The following ARHGAP26 variants were observed in gnomAD, a reference collection of about 807,000 sequenced individuals.
ARHGAP26 encodes the protein Rho GTPase activating protein 26.
A neutral mutation model predicts 104.8 loss-of-function variants in ARHGAP26; 38 were observed. The ratio of observed to expected loss-of-function variants is 0.36; its 90% CI spans 0.28 to 0.48. The LOEUF (loss-of-function observed/expected upper bound fraction) is 0.48. ARHGAP26 is among the 20% of genes least tolerant of loss of function. The pLI, the probability that ARHGAP26 is intolerant of heterozygous loss-of-function variation, is 0.99. For synonymous variants in ARHGAP26, 341 were observed against 340.0 expected, an observed-to-expected ratio of 1.00 and a Z score of -0.03; for missense variants, 704 against 947.9, an observed-to-expected ratio of 0.74 and a Z score of 3.38.
In ARHGAP26 at chr5:142,928,818, T is replaced by A. The variant is rs187670514; in HGVS notation, c.1029-3229T>A. Among the ~76,000 whole-genome samples, 7 of 152,368 alleles carry A rather than the reference T, an allele frequency of 4.6e-5. No homozygotes were observed. The East Asian group carries it at 1.3e-3, about 29-fold the overall frequency. Reference sequence around the variant, plus strand: ...ACTGCTGGGTTATAATTATTACTGTTCTTTTATTGTAGAGGGTCTAATAGG... The same window carrying A: ...ACTGCTGGGTTATAATTATTACTGTACTTTTATTGTAGAGGGTCTAATAGG... On this transcript the variant is annotated intron_variant, in intron 10 of 22. Coordinates refer to ENST00000645722, the MANE Select transcript of ARHGAP26 (RefSeq NM_001135608.3).
chr5:142,901,133 T>G (rs1760269601), intron 6 of ARHGAP26, among the ~76,000 whole-genome samples: 1 of 152,128 alleles, frequency 6.6e-6, no homozygotes, highest in Admixed American at 6.5e-5. Flanking sequence ...TTTGTTTAGT[T>G]TGGATAAATG....
intron 21 of ARHGAP26, among the ~76,000 whole-genome samples, chr5:143,212,234 C>T (rs1211329070): frequency 1.3e-5 from 2 of 152,112 alleles, no homozygotes; most frequent in African/African-American, 4.8e-5. Flanking sequence ...ACTGGATTCT[C>T]CTTTCACCTT....
chr5:142,829,400 T>C (rs1767951654), intron 1 of ARHGAP26, among the ~76,000 whole-genome samples: 2 of 152,240 alleles, frequency 1.3e-5, no homozygotes, highest in South Asian at 4.1e-4. Flanking sequence ...AGTGGCCTTT[T>C]CCCCCTTAGT....
chr5:142,940,622 G>A (rs1354862605), intron 11 of ARHGAP26, among the ~76,000 whole-genome samples: 1 of 152,098 alleles, frequency 6.6e-6, no homozygotes, highest in Admixed American at 6.5e-5. Context: ...CCCCCAAGGG[G>A]CATGATCTTA....
At chr5:143,034,705 ATAGTTAAAATGGG>A (rs1235413928) in intron 12 of ARHGAP26, among the ~76,000 whole-genome samples, 1 of 152,162 alleles carries the variant, frequency 6.6e-6, no homozygotes, top group African/African-American at 2.4e-5. Context: ...GCTGAATTGT[ATAGTTAAAATGGG>A]TAAACTTATG....
chr5:143,106,841 T>C (rs1409096736), intron 17 of ARHGAP26, among the ~76,000 whole-genome samples: 1 of 152,144 alleles, frequency 6.6e-6, no homozygotes, highest in Non-Finnish European at 1.5e-5. Flanking sequence ...CAACTTATTA[T>C]TGCCTAGGTG....
At chr5:142,854,139 A>T (rs559435706) in intron 1 of ARHGAP26, among the ~76,000 whole-genome samples, 3 of 152,364 alleles carry the variant, frequency 2.0e-5, no homozygotes, top group African/African-American at 7.2e-5. Flanking sequence ...GCACACTTTG[A>T]TAAACTCTGT....
intron 17 of ARHGAP26, among the ~76,000 whole-genome samples, chr5:143,102,671 C>T (rs1354599030): frequency 1.3e-5 from 2 of 152,216 alleles, no homozygotes; most frequent in Admixed American, 6.5e-5. Flanking sequence ...CATGAAATAC[C>T]AGAGGAGAAA....
intron 18 of ARHGAP26, among the ~76,000 whole-genome samples, chr5:143,130,386 G>A (rs1562479488): frequency 6.6e-6 from 1 of 152,296 alleles, no homozygotes; most frequent in East Asian, 1.9e-4. Context: ...TACTTTGTGA[G>A]TTTGGACAGT....
At chr5:143,171,111 G>A (rs1180404138) in intron 20 of ARHGAP26, among the ~76,000 whole-genome samples, 1 of 152,206 alleles carries the variant, frequency 6.6e-6, no homozygotes, top group Non-Finnish European at 1.5e-5. Flanking sequence ...ATTCCAAGGA[G>A]GAAAAAGAAT....
rs985248755 is a variant in ARHGAP26 at position 142,985,103 on chromosome 5, T to G, written c.1108-28977T>G. Among the ~76,000 whole-genome samples the G allele has an allele frequency of 5.9e-5, 9 of 152,242 alleles. No individual in the cohort carries two copies. The South Asian group carries it at 6.2e-4, about 11-fold the overall frequency. ...ATCCTGACCCTGTGTAGGCCTAGGC[T>G]AATGTTTGTGTTTGCGTCTTGGTTT... On this transcript the variant is annotated intron_variant, in intron 11 of 22. Coordinates refer to ENST00000645722, the MANE Select transcript of ARHGAP26 (RefSeq NM_001135608.3).
intron 11 of ARHGAP26, among the ~76,000 whole-genome samples, chr5:142,941,549 C>T (rs1401943407): frequency 6.6e-6 from 1 of 152,104 alleles, no homozygotes; most frequent in Non-Finnish European, 1.5e-5. Context: ...AATCAAGAAG[C>T]CAGTTGCAAG....
intron 11 of ARHGAP26, among the ~76,000 whole-genome samples, chr5:142,940,420 G>A (rs1487131105): frequency 1.3e-5 from 2 of 152,012 alleles, no homozygotes; most frequent in East Asian, 3.8e-4. Flanking sequence ...TTGTCACCCA[G>A]GTACTAAGCC....
At chr5:142,811,481 C>T (rs962345639) in intron 1 of ARHGAP26, among the ~76,000 whole-genome samples, 15 of 152,126 alleles carry the variant, frequency 9.9e-5, no homozygotes, top group Admixed American at 2.0e-4. Flanking sequence ...CTGTCCGTCA[C>T]GTGTAGTTGG....
chr5:143,011,103 C>G (rs921978431), intron 11 of ARHGAP26: 3 of 152,342 alleles, frequency 2.0e-5, no homozygotes, highest in African/African-American at 7.2e-5. Flanking sequence ...TCCTACCCCT[C>G]TCTGCATTGC....
chr5:143,152,236 A>G (rs903025228), intron 20 of ARHGAP26, among the ~76,000 whole-genome samples: 3 of 152,202 alleles, frequency 2.0e-5, no homozygotes, highest in Non-Finnish European at 4.4e-5. Context: ...TTTAATAATA[A>G]TGAACCAATA....
chr5:143,053,690 G>T (rs1052671525), intron 14 of ARHGAP26, among the ~76,000 whole-genome samples: 1 of 152,194 alleles, frequency 6.6e-6, no homozygotes, highest in African/African-American at 2.4e-5. Flanking sequence ...TGATATGGTG[G>T]TTCTCATTGC....
At position 143,056,064 on chromosome 5, in the gene ARHGAP26, A is replaced by G. The variant is rs776825752; in HGVS notation, c.1410A>G (p.Gln470=). 1 of 1,613,268 alleles carries G rather than the reference A, an allele frequency of 6.2e-7. No homozygotes were observed. Among genetic ancestry groups the G allele is most frequent in the Non-Finnish European group, 8.5e-7 (1 of 1,179,630 alleles). Residue 470 remains glutamine, a synonymous_variant, in exon 16 of 23, where the codon CAA becomes CAG. Transcript: ENST00000645722. Reference sequence around the variant, plus strand: ...GACCACTCATGATGTACCAGTTTCAAAGAAGTTTCATCAAAGCAGCAAGTA... The same window carrying G: ...GACCACTCATGATGTACCAGTTTCAGAGAAGTTTCATCAAAGCAGCAAGTA... ...LPGPLMMYQF[Q]RSFIKAAKLE...
intron 11 of ARHGAP26, among the ~76,000 whole-genome samples, chr5:143,000,012 A>G (rs529470536): frequency 1.3e-5 from 2 of 152,344 alleles, no homozygotes; most frequent in South Asian, 4.1e-4. Context: ...GAAAAAGTAT[A>G]CATCATGGAT....
Sources: gnomAD v4.1 joint callset for allele counts (sites outside exome capture counted in the v4.1 genomes callset) on GRCh38, gnomAD v4.1.1 for gene constraint, MANE v1.5 for transcripts, NCBI Gene and HGNC (gene_info 2026-07-23, HGNC 2026-07-21) for gene names.